ZNF222: variants seen among roughly 807,000 people sequenced by gnomAD.
ZNF222 encodes zinc finger protein 222.
In ZNF222, 8 loss-of-function variants were observed where a neutral mutation model predicts 11.6. That is an observed-to-expected ratio of 0.69 (90% CI 0.41 to 1.25). The LOEUF (loss-of-function observed/expected upper bound fraction) is 1.25. ZNF222 is among the 50% of genes most tolerant of loss of function. The probability of loss-of-function intolerance (pLI) is 0.01; values close to 1 mark genes in which losing one functional copy is unlikely to be tolerated. For synonymous variants in ZNF222, 171 were observed against 195.6 expected (o/e 0.87, Z 1.05); for missense variants, 483 against 576.1 (o/e 0.84, Z 1.65).
chr19:44,027,626 T>C (rs770042899), intron 3 of ZNF222, 136 bp downstream of exon 3: 1 of 769,622 alleles, frequency 1.3e-6, no homozygotes, highest in Non-Finnish European at 2.2e-6. Flanking sequence ...ATGCCCCTGC[T>C]CCCACCCTTC....
intron 3 of ZNF222, among the ~76,000 whole-genome samples, chr19:44,030,764 A>G (rs1174797840): frequency 2.0e-5 from 3 of 152,142 alleles, no homozygotes; most frequent in Non-Finnish European, 2.9e-5. Context: ...TTTCATAGCC[A>G]TGATTGGTTG....
At chr19:44,026,552 A>ATTTT (rs1238495791) in intron 1 of ZNF222, among the ~76,000 whole-genome samples, 2 of 126,660 alleles carry the variant, frequency 1.6e-5, no homozygotes, top group African/African-American at 8.6e-5. Context: ...CTATATATAT[A>ATTTT]TATATTTTTT....
rs536888059 is a variant in ZNF222 at position 44,026,233 on chromosome 19, G to A, written c.42+755G>A. On this transcript the variant is annotated intron_variant, in intron 1 of 3. Coordinates refer to ENST00000391960, the MANE Select transcript of ZNF222 (RefSeq NM_001129996.2). ...AAGTACTTTATACCCCAAAATACAT[G>A]ATCTTCACAGTGGCACTGTGGAGAG... 11 of 767,942 alleles carry A rather than the reference G, an allele frequency of 1.4e-5. No individual in the cohort carries two copies. The South Asian group carries it at 1.8e-4, about 12-fold the overall frequency. 47.6% of individuals were successfully genotyped at this position (767,942 alleles called of 1,614,324 possible).
intron 2 of ZNF222, 94 bp from the exon 3 acceptor site, chr19:44,027,304 A>T (rs1976398823): frequency 6.4e-7 from 1 of 1,558,782 alleles, no homozygotes; most frequent in African/African-American, 1.4e-5. Context: ...GGTTTTTGTC[A>T]TTGGAAGTAA....
intron 1 of ZNF222, 47 bp from the exon 2 acceptor site, chr19:44,026,976 A>G (rs1976387289): frequency 6.2e-7 from 1 of 1,611,898 alleles, no homozygotes; most frequent in Non-Finnish European, 8.5e-7. Flanking sequence ...CTGTCTCCCA[A>G]TAGTCTTTGG....
chr19:44,026,805 C>T (rs771588331), intron 1 of ZNF222, among the ~76,000 whole-genome samples: 2 of 152,150 alleles, frequency 1.3e-5, no homozygotes, highest in Non-Finnish European at 2.9e-5. Flanking sequence ...ATTCAGGACA[C>T]ACCCTGTTGA....
rs1976532311 is a variant in ZNF222, at chr19:44,032,646, G to C, written c.1092G>C (p.Trp364Cys). The C allele has an allele frequency of 1.2e-6, 2 of 1,613,870 alleles. No individual in the cohort carries two copies. Among genetic ancestry groups the C allele is most frequent in the African/African-American group, 2.7e-5 (2 of 74,830 alleles). ...NCKECGKSFK[W>C]SSYLLVHQRV... ...AAGAATGTGGGAAGAGCTTCAAATG[G>C]TCCTCATATCTTTTGGTCCATCAAC... is the stretch of plus-strand genomic sequence containing the variant. Residue 364 changes from tryptophan to cysteine, a missense_variant, in exon 4 of 4, where the codon TGG (tryptophan) becomes TGC (cysteine). By Grantham distance (215) the Trp-to-Cys change is radical. Transcript: ENST00000391960.
chr19:44,033,037 C>A lies in ZNF222; in HGVS notation c.*7C>A. On this transcript the variant is annotated 3_prime_UTR_variant, in exon 4 of 4. Transcript: ENST00000391960. ...ATTTTTAAATGACATATAAGTTATA[C>A]ATATTTATGGAGTGTGAAATTTGAT... The A allele has an allele frequency of 6.6e-7, 1 of 1,504,632 alleles. No individual in the cohort carries two copies. The highest frequency in any genetic ancestry group is 8.8e-7 in the Non-Finnish European group (1 of 1,131,160). 93.2% of individuals were successfully genotyped at this position (1,504,632 alleles called of 1,614,324 possible). A position where few individuals can be genotyped will look rare whatever the true frequency, so the allele number is the denominator to read the frequency against.
rs1261048630 is a variant in ZNF222, at chr19:44,032,956, G to A, written c.1402G>A (p.Glu468Lys). ...CAGTGGAGAAAACCCATCCAAATGTGAGGACTGTGGGAAGCGCTACAAGAG... is the reference window on the plus strand; with the variant it reads ...CAGTGGAGAAAACCCATCCAAATGTAAGGACTGTGGGAAGCGCTACAAGAG... ...DHSGENPSKC[E>K]DCGKRYKRRL... The change falls in exon 4 of 4, where the codon GAG (glutamate) becomes AAG (lysine). Residue 468 changes from glutamate to lysine, a missense_variant. Coordinates refer to ENST00000391960, the MANE Select transcript of ZNF222 (RefSeq NM_001129996.2). The A allele has an allele frequency of 6.3e-7, 1 of 1,594,850 alleles. No individual in the cohort carries two copies. The highest frequency in any genetic ancestry group is 8.5e-7 in the Non-Finnish European group (1 of 1,175,136).
At position 44,032,469 on chromosome 19, in the gene ZNF222, C is replaced by A. The variant is rs1325142867; in HGVS notation, c.915C>A (p.Ser305Arg). 1 of 1,614,062 alleles carries A rather than the reference C, an allele frequency of 6.2e-7. No individual in the cohort carries two copies. Among genetic ancestry groups the A allele is most frequent in the African/African-American group, 1.3e-5 (1 of 74,918 alleles). ...KPFKCEICGKSFCLRSSLNRH... is the reference protein window; with the variant it reads ...KPFKCEICGKRFCLRSSLNRH... Reference sequence around the variant, plus strand: ...TCAAATGTGAAATATGTGGTAAGAGCTTCTGTCTTAGGTCAAGTCTTAATA... The same window carrying A: ...TCAAATGTGAAATATGTGGTAAGAGATTCTGTCTTAGGTCAAGTCTTAATA... The change falls in exon 4 of 4, where the codon AGC becomes AGA. Residue 305 changes from serine (S) to arginine (R), a missense_variant. By Grantham distance (110) the Ser-to-Arg change is moderately radical. Coordinates refer to ENST00000391960, the MANE Select transcript of ZNF222 (RefSeq NM_001129996.2).
At chr19:44,026,847 AT>A (rs1976384105) in intron 1 of ZNF222, among the ~76,000 whole-genome samples, 175 bp from the exon 2 acceptor site, 1 of 152,120 alleles carries the variant, frequency 6.6e-6, no homozygotes, top group East Asian at 1.9e-4. Context: ...CCAAACCCCT[AT>A]TGCCTAATCA....
intron 1 of ZNF222, among the ~76,000 whole-genome samples, chr19:44,026,556 A>ATTTTTTTT (rs200711054): frequency 2.0e-4 from 20 of 101,844 alleles, no homozygotes; most frequent in African/African-American, 6.6e-4. Context: ...ATATATATAT[A>ATTTTTTTT]TTTTTTTTTT....
chr19:44,028,412 C>T lies in ZNF222; in HGVS notation c.262+922C>T, dbSNP rs1599858878. 6 of 394,856 alleles carry T rather than the reference C, an allele frequency of 1.5e-5. No homozygotes were observed. The East Asian group carries it at 2.1e-4, about 14-fold the overall frequency. 24.5% of individuals were successfully genotyped at this position (394,856 alleles called of 1,614,324 possible). ...ACTACAAAAGCTTCTGCCTCCGAGC[C>T]CTCACTTGCTCTTCTCTCTGATTGG... On this transcript the variant is annotated intron_variant, in intron 3 of 3. Coordinates refer to ENST00000391960, the MANE Select transcript of ZNF222 (RefSeq NM_001129996.2).
chr19:44,032,944 C>T lies in ZNF222; in HGVS notation c.1390C>T (p.Pro464Ser), dbSNP rs373152942. ...ACAAAGAGACCACAGTGGAGAAAACCCATCCAAATGTGAGGACTGTGGGAA... is the reference window on the plus strand; with the variant it reads ...ACAAAGAGACCACAGTGGAGAAAACTCATCCAAATGTGAGGACTGTGGGAA... The part of the protein sequence containing the change: ...DQQRDHSGEN[P>S]SKCEDCGKRY... Residue 464 changes from proline to serine, a missense_variant, in exon 4 of 4, where the codon CCA becomes TCA. Transcript: ENST00000391960. 5.8e-5 allele frequency: 93 copies of T among 1,607,164 alleles called. No homozygotes were observed. Among genetic ancestry groups the T allele is most frequent in the Non-Finnish European group, 7.9e-5 (93 of 1,178,320 alleles).
Position 44,032,839 on chromosome 19 carries a change from A to T in ZNF222, c.1285A>T (p.Lys429Ter), listed in dbSNP as rs1976537522. 6.2e-7 allele frequency: 1 copy of T among 1,613,524 alleles called. No individual in the cohort carries two copies. Among genetic ancestry groups the T allele is most frequent in the Non-Finnish European group, 8.5e-7 (1 of 1,179,870 alleles). ...RHASSILNHK[K>*]LHCQRKPLKC... ...TGCTTCTAGTATTTTGAATCATAAG[A>T]AACTCCACTGCCAAAGAAAGCCATT... The change falls in exon 4 of 4, where the codon AAA becomes TAA. Residue 429 changes from lysine to a stop codon, truncating the protein, a stop_gained. Transcript: ENST00000391960. LOFTEE classifies it low-confidence loss of function (END_TRUNC).
Position 44,027,128 on chromosome 19 carries a change from T to C in ZNF222, c.148T>C (p.Phe50Leu), listed in dbSNP as rs1976394400. The change falls in exon 2 of 4, where the codon TTC (phenylalanine) becomes CTC (leucine). Residue 50 changes from phenylalanine (F) to leucine (L), a missense_variant. Transcript: ENST00000391960. ...KLYRDVMLEN[F>L]RNLLSVGHQP... is the part of the protein sequence containing the mutation. ...GTACCGAGATGTGATGCTTGAGAAC[T>C]TCAGGAACCTGCTCTCAGTGGGTGA... 6.2e-7 allele frequency: 1 copy of C among 1,613,858 alleles called. No individual in the cohort carries two copies. Among genetic ancestry groups the C allele is most frequent in the African/African-American group, 1.3e-5 (1 of 74,856 alleles).
chr19:44,031,771 G>A (rs201159758), intron 3 of ZNF222, 46 bp from the exon 4 acceptor site: 52 of 1,582,068 alleles, frequency 3.3e-5, no homozygotes, highest in African/African-American at 3.1e-4. Flanking sequence ...GTGAGCCACC[G>A]TGCCTGGCCT....
Position 44,025,455 on chromosome 19 carries a change from A to AAGAAGC in ZNF222, c.20_25dup (p.Lys8_Pro9insGlnLys), listed in dbSNP as rs1210576130. The AAGAAGC allele has an allele frequency of 1.3e-6, 2 of 1,551,006 alleles. No homozygotes were observed. Among genetic ancestry groups the AAGAAGC allele is most frequent in the African/African-American group, 2.7e-5 (2 of 72,964 alleles). ...CCACCCAATGATCGATTCAGGAGAA[A>AAGAAGC]AGAAGCCTGGGCGGAGAGCAGAGGT... On this transcript the variant is annotated inframe_insertion, in exon 1 of 4. Transcript: ENST00000391960. The surrounding 1 kb of genome is among the most constrained non-coding windows in gnomAD (Gnocchi z 4.6).
intron 1 of ZNF222, among the ~76,000 whole-genome samples, 185 bp from the exon 2 acceptor site, chr19:44,026,838 C>G (rs1162979112): frequency 6.6e-6 from 1 of 152,114 alleles, no homozygotes; most frequent in East Asian, 1.9e-4. Flanking sequence ...GTCTCCATTC[C>G]AAACCCCTAT....
Sources: allele counts gnomAD v4.1 joint callset (sites outside exome capture counted in the v4.1 genomes callset), GRCh38; gene constraint gnomAD v4.1.1; non-coding constraint Gnocchi (gnomAD v3.1); transcripts MANE v1.5; gene names NCBI Gene and HGNC (gene_info 2026-07-23, HGNC 2026-07-21).